The following MAP7 variants were observed in gnomAD, a reference collection of about 807,000 sequenced individuals.
MAP7 encodes microtubule associated protein 7.
MAP7 carries 52 observed loss-of-function variants against 94.8 expected under a neutral mutation model. That is an observed-to-expected ratio of 0.55 (90% CI 0.44 to 0.69). The LOEUF (loss-of-function observed/expected upper bound fraction) is 0.69. Among genes scored for constraint, MAP7 ranks in the 30% least tolerant of loss-of-function variants. The pLI is 0.00. For synonymous variants in MAP7, 350 were observed against 357.0 expected (o/e 0.98, Z 0.22); for missense variants, 940 against 964.6 (o/e 0.97, Z 0.34).
intron 1 of MAP7, among the ~76,000 whole-genome samples, chr6:136,469,632 C>T (rs1808319341): frequency 6.6e-6 from 1 of 152,146 alleles, no homozygotes; most frequent in Admixed American, 6.5e-5. Flanking sequence ...GCAACCCTCC[C>T]GTGTCGGCCT....
intron 15 of MAP7, among the ~76,000 whole-genome samples, chr6:136,358,412 G>A (rs887942678): frequency 6.6e-6 from 1 of 152,130 alleles, no homozygotes; most frequent in African/African-American, 2.4e-5. Flanking sequence ...TATTCTTGAA[G>A]ACAGTATGCT....
intron 1 of MAP7, among the ~76,000 whole-genome samples, chr6:136,483,781 C>T (rs1042195696): frequency 2.6e-5 from 4 of 152,140 alleles, no homozygotes; most frequent in Non-Finnish European, 5.9e-5. Flanking sequence ...ATTTCTATTA[C>T]AACTGTCTTG....
At chr6:136,526,202 C>G in intron 1 of MAP7, 8 of 1,238,848 alleles carry the variant, frequency 6.5e-6, no homozygotes, top group Non-Finnish European at 8.1e-6. Context: ...CCCCTACCAG[C>G]CCCCTCCCAC....
rs1796286498 is a variant in MAP7 at position 136,435,991 on chromosome 6, C to G, written c.68-14192G>C. Among the ~76,000 whole-genome samples the G allele has an allele frequency of 2.0e-5, 3 of 152,162 alleles. No homozygotes were observed. The South Asian group carries it at 6.2e-4, about 32-fold the overall frequency. ...ATACATGAAATATTTTTATAATGTG[C>G]AAATGTGTCCCAGCTTTCAAACACC... On this transcript the variant is annotated intron_variant, in intron 1 of 17. Coordinates refer to ENST00000354570, the MANE Select transcript of MAP7 (RefSeq NM_003980.6).
At chr6:136,347,022 C>T (rs945389710) in intron 16 of MAP7, among the ~76,000 whole-genome samples, 3 of 152,154 alleles carry the variant, frequency 2.0e-5, no homozygotes, top group Admixed American at 6.5e-5. Context: ...TGAATTCATG[C>T]TTAATATCTT....
chr6:136,533,536 T>A (rs1420745364), intron 1 of MAP7, among the ~76,000 whole-genome samples: 1 of 152,218 alleles, frequency 6.6e-6, no homozygotes, highest in African/African-American at 2.4e-5. Context: ...TTTTCCTCAA[T>A]CCCATCTGTG....
chr6:136,359,869 A>C lies in MAP7; in HGVS notation c.1863T>G (p.Ser621Arg). Residue 621 changes from serine (S) to arginine (R), a missense_variant, in exon 15 of 18, where the codon AGT (serine) becomes AGG (arginine). Transcript: ENST00000354570. ...RRTEATDKKT[S>R]DQRNGDIAKG... ...TGGCTATATCACCGTTTCTCTGATC[A>C]CTGGTTTTCTACGAAGAAGAAAAAA... 6.2e-7 allele frequency: 1 copy of C among 1,613,536 alleles called. No individual in the cohort carries two copies. The highest frequency in any genetic ancestry group is 1.1e-5 in the South Asian group (1 of 90,824).
chr6:136,352,190 A>ATTT (rs60677576), intron 16 of MAP7, among the ~76,000 whole-genome samples: 16 of 137,882 alleles, frequency 1.2e-4, no homozygotes, highest in East Asian at 8.5e-4. Flanking sequence ...TGCTATTCGT[A>ATTT]TTTTTTTTTT....
intron 1 of MAP7, among the ~76,000 whole-genome samples, chr6:136,533,006 T>C (rs9399185): frequency 0.12 from 18,382 of 152,150 alleles, 2,809 homozygotes; most frequent in African/African-American, 0.36. Context: ...CCTACTGATA[T>C]ACATGCCTGT....
At chr6:136,456,156 C>T (rs552030117) in intron 1 of MAP7, among the ~76,000 whole-genome samples, 1 of 152,260 alleles carries the variant, frequency 6.6e-6, no homozygotes, top group South Asian at 2.1e-4. Context: ...GATGCACATG[C>T]TAATAAACTT....
chr6:136,416,746 C>T (rs1196363017), intron 2 of MAP7, among the ~76,000 whole-genome samples: 1 of 151,620 alleles, frequency 6.6e-6, no homozygotes. Flanking sequence ...GCGGAGGTTG[C>T]ACTGAGCCAA....
Position 136,383,695 on chromosome 6 carries a change from T to C in MAP7, c.613A>G (p.Thr205Ala). 6.2e-7 allele frequency: 1 copy of C among 1,607,338 alleles called. No homozygotes were observed. ...CCTCTATCTGGAGAATTTAGTAAAG[T>C]TGCAGATGAAGAGGAGAGCCGCTTG... ...ISKRLSSSSATLLNSPDRARR... is the reference protein window; with the variant it reads ...ISKRLSSSSAALLNSPDRARR... The change falls in exon 6 of 18, where the codon ACT (threonine) becomes GCT (alanine). Residue 205 changes from threonine to alanine, a missense_variant. Transcript: ENST00000354570.
intron 1 of MAP7, among the ~76,000 whole-genome samples, chr6:136,475,445 G>T (rs558672898): frequency 3.3e-5 from 5 of 152,150 alleles, no homozygotes; most frequent in Non-Finnish European, 7.3e-5. Flanking sequence ...CAGTAGTACT[G>T]TAGATTCTCT....
chr6:136,456,663 C>A (rs1424292360), intron 1 of MAP7, among the ~76,000 whole-genome samples: 1 of 122,896 alleles, frequency 8.1e-6, no homozygotes, highest in African/African-American at 3.1e-5. Flanking sequence ...CAGAGTGATA[C>A]CCTGTCTCAA....
At chr6:136,412,425 G>A (rs974375076) in intron 2 of MAP7, among the ~76,000 whole-genome samples, 1 of 152,022 alleles carries the variant, frequency 6.6e-6, no homozygotes, top group African/African-American at 2.4e-5. Context: ...AGACAAATAA[G>A]TACTATACAT....
chr6:136,546,724 A>C (rs1294799535), intron 1 of MAP7, among the ~76,000 whole-genome samples: 1 of 152,212 alleles, frequency 6.6e-6, no homozygotes, highest in African/African-American at 2.4e-5. Context: ...CACAGAAGGT[A>C]CACATTTCTT....
rs1583169952 is a variant in MAP7 at position 136,548,605 on chromosome 6, A to T, written c.67+1737T>A. On this transcript the variant is annotated intron_variant, in intron 1 of 17. Transcript: ENST00000354570. The stretch of plus-strand genomic sequence containing the variant: ...TCCCTTTTTAATAAAAGAAAATATT[A>T]CACTGACAGGCACATGGTTGATTTG... Among the ~76,000 whole-genome samples the T allele has an allele frequency of 3.3e-5, 5 of 152,378 alleles. No individual in the cohort carries two copies. In the East Asian group the frequency reaches 9.6e-4, roughly 29 times the overall value.
chr6:136,526,485 A>T (rs1488145806), intron 1 of MAP7: 1 of 985,624 alleles, frequency 1.0e-6, no homozygotes, highest in Non-Finnish European at 1.2e-6. Flanking sequence ...TGCCGTTAAC[A>T]GTTGCCCTGA....
At chr6:136,367,225 A>G (rs1317448933) in intron 8 of MAP7, among the ~76,000 whole-genome samples, 2 of 152,232 alleles carry the variant, frequency 1.3e-5, no homozygotes, top group Non-Finnish European at 2.9e-5. Flanking sequence ...TCTAAAGTCA[A>G]TGAAGACCAA....
Sources: allele counts gnomAD v4.1 joint callset (sites outside exome capture counted in the v4.1 genomes callset), GRCh38; gene constraint gnomAD v4.1.1; transcripts MANE v1.5; gene names NCBI Gene and HGNC (gene_info 2026-07-23, HGNC 2026-07-21).